DYNLL1: variants seen among roughly 807,000 people sequenced by gnomAD.
The protein encoded by DYNLL1 is dynein light chain LC8-type 1.
In DYNLL1, 3 loss-of-function variants were observed where a neutral mutation model predicts 10.1. That is an observed-to-expected ratio of 0.30 (90% CI 0.14 to 0.77). The LOEUF (loss-of-function observed/expected upper bound fraction) is 0.77, where lower values mean the gene tolerates loss of function less well. Among genes scored for constraint, DYNLL1 ranks in the 30% least tolerant of loss-of-function variants. The pLI is 0.66. For synonymous variants in DYNLL1, 46 were observed against 41.2 expected, an observed-to-expected ratio of 1.12 and a Z score of -0.45; for missense variants, 47 against 111.7, an observed-to-expected ratio of 0.42 and a Z score of 2.61.
At chr12:120,484,475 T>C (rs79639105) in intron 1 of DYNLL1, among the ~76,000 whole-genome samples, 3,239 of 152,220 alleles carry the variant, frequency 0.021, 117 homozygotes, top group African/African-American at 0.073. Flanking sequence ...GCCTGTTATA[T>C]GCCGGGAAAA....
At chr12:120,494,281 AT>A (rs1879211230), upstream of DYNLL1, among the ~76,000 whole-genome samples, 1 of 148,364 alleles carries the variant, frequency 6.7e-6, no homozygotes. Context: ...AATTATTGCC[AT>A]TTTTTTCCTT....
intron 1 of DYNLL1, among the ~76,000 whole-genome samples, chr12:120,481,332 T>A (rs1565921397): frequency 6.6e-6 from 1 of 152,150 alleles, no homozygotes; most frequent in African/African-American, 2.4e-5. Context: ...GCACAGACCC[T>A]GAACAAAAGT....
intron 1 of DYNLL1, among the ~76,000 whole-genome samples, chr12:120,485,097 A>G (rs940352112): frequency 4.6e-5 from 7 of 152,116 alleles, no homozygotes; most frequent in African/African-American, 1.4e-4. Flanking sequence ...CATGCTTGTA[A>G]TCCCAGCACT....
intron 1 of DYNLL1, among the ~76,000 whole-genome samples, chr12:120,481,147 A>T (rs979780429): frequency 6.6e-6 from 1 of 152,182 alleles, no homozygotes; most frequent in Non-Finnish European, 1.5e-5. Flanking sequence ...TGCTAATACC[A>T]GTGACTTCCT....
At chr12:120,496,259 T>G in intron 1 of DYNLL1, 43 bp downstream of exon 1, 1 of 1,105,508 alleles carries the variant, frequency 9.0e-7, no homozygotes, top group East Asian at 2.6e-5. Context: ...GCTGCCTTAT[T>G]TCGCCCCACT....
At chr12:120,496,603 T>TC (rs756383880) in intron 2 of DYNLL1, 50 bp downstream of exon 2, 42 of 1,613,198 alleles carry the variant, frequency 2.6e-5, no homozygotes, top group Non-Finnish European at 3.5e-5. Flanking sequence ...GGGGGTTCCT[T>TC]CCCCCCGATC....
chr12:120,480,815 C>G (rs895776115), intron 1 of DYNLL1, among the ~76,000 whole-genome samples: 1 of 149,490 alleles, frequency 6.7e-6, no homozygotes, highest in African/African-American at 2.5e-5. Flanking sequence ...AGGCTGGAGT[C>G]GTGGCTCCAT....
At chr12:120,470,950 C>T (rs1308443084) in intron 1 of DYNLL1, among the ~76,000 whole-genome samples, 2 of 151,906 alleles carry the variant, frequency 1.3e-5, no homozygotes, top group Non-Finnish European at 2.9e-5. Flanking sequence ...GAGGCTGAGG[C>T]AGGAGAATTG....
chr12:120,481,847 CTTCTTTTTGTTTG>C (rs747191212), intron 1 of DYNLL1, among the ~76,000 whole-genome samples: 2 of 152,108 alleles, frequency 1.3e-5, no homozygotes, highest in Non-Finnish European at 2.9e-5. Context: ...TAAATTTTGT[CTTCTTTTTGTTTG>C]TTTTAGAGAC....
chr12:120,492,822 T>C (rs953643394), upstream of DYNLL1, among the ~76,000 whole-genome samples: 1 of 152,154 alleles, frequency 6.6e-6, no homozygotes, highest in African/African-American at 2.4e-5. This position sits in a 1 kb window ranked among gnomAD's most constrained non-coding sequence, Gnocchi z 4.1. Flanking sequence ...CAGAACCCCA[T>C]ATGGGCCACT....
chr12:120,490,829 G>A (rs1162748624), intron 1 of DYNLL1: 3 of 152,258 alleles, frequency 2.0e-5, no homozygotes, highest in African/African-American at 7.2e-5. Flanking sequence ...AAGGTGAATA[G>A]TGCCAAGGTT....
At chr12:120,488,900 C>T (rs572386674) in intron 1 of DYNLL1, among the ~76,000 whole-genome samples, 4 of 151,910 alleles carry the variant, frequency 2.6e-5, no homozygotes, top group African/African-American at 4.8e-5. Flanking sequence ...GCAACAAGAA[C>T]GAAACTCTGT....
chr12:120,476,178 A>AT (rs1401399007), intron 1 of DYNLL1, among the ~76,000 whole-genome samples: 3 of 152,162 alleles, frequency 2.0e-5, no homozygotes, highest in Non-Finnish European at 4.4e-5. Flanking sequence ...TAGAATCCTA[A>AT]TTTTTTTAGA....
At chr12:120,476,326 T>TA (rs1178399548) in intron 1 of DYNLL1, among the ~76,000 whole-genome samples, 25 of 150,436 alleles carry the variant, frequency 1.7e-4, no homozygotes, top group African/African-American at 4.1e-4. Context: ...TTTTTTAAGT[T>TA]AAAAAAAAAT....
At position 120,498,225 on chromosome 12, in the gene DYNLL1, C is replaced by T. The variant is rs760927146; in HGVS notation, c.*15C>T. On this transcript the variant is annotated 3_prime_UTR_variant, in exon 3 of 3. Transcript: ENST00000242577. Reference sequence around the variant, plus strand: ...AATCTGGTTAAAAGCATGGACTGTGCCACACACCCAGTGATCCATCCAAAA... The same window carrying T: ...AATCTGGTTAAAAGCATGGACTGTGTCACACACCCAGTGATCCATCCAAAA... The T allele has an allele frequency of 3.1e-6, 5 of 1,604,886 alleles. No homozygotes were observed. Among genetic ancestry groups the T allele is most frequent in the South Asian group, 1.1e-5 (1 of 90,052 alleles).
chr12:120,496,309 G>C (rs1453319724), intron 1 of DYNLL1, 93 bp downstream of exon 1: 1 of 1,487,020 alleles, frequency 6.7e-7, no homozygotes, highest in African/African-American at 1.4e-5. Context: ...TTCCTGAGAA[G>C]TGGGGTGGGG....
Position 120,496,550 on chromosome 12 carries a change from G to A in DYNLL1, c.129G>A (p.Lys43=). 1 of 1,614,164 alleles carries A rather than the reference G, an allele frequency of 6.2e-7. No homozygotes were observed. Among genetic ancestry groups the A allele is most frequent in the Non-Finnish European group, 8.5e-7 (1 of 1,180,036 alleles). The change falls in exon 2 of 3, where the codon AAG becomes AAA. Residue 43 remains lysine (K), a synonymous_variant. Transcript: ENST00000242577. ...NIEKDIAAHI[K]KEFDKKYNPT... Reference sequence around the variant, plus strand: ...AGAAGGACATTGCGGCTCATATCAAGAAGGTGAGGATGGGCGCGGGGGCCG... The same window carrying A: ...AGAAGGACATTGCGGCTCATATCAAAAAGGTGAGGATGGGCGCGGGGGCCG...
chr12:120,478,039 A>T (rs906845875), intron 1 of DYNLL1, among the ~76,000 whole-genome samples: 3 of 151,162 alleles, frequency 2.0e-5, no homozygotes, highest in Non-Finnish European at 4.4e-5. Context: ...TGATCCACCC[A>T]TGTCGGCCTC....
chr12:120,474,294 T>C (rs569942665), intron 1 of DYNLL1, among the ~76,000 whole-genome samples: 1 of 152,272 alleles, frequency 6.6e-6, no homozygotes, highest in South Asian at 2.1e-4. Context: ...AGTGAGATCC[T>C]GTTACAGAAA....
Sources: gnomAD v4.1 joint callset for allele counts (sites outside exome capture counted in the v4.1 genomes callset) on GRCh38, gnomAD v4.1.1 for gene constraint, Gnocchi (gnomAD v3.1) non-coding constraint, MANE v1.5 for transcripts, NCBI Gene and HGNC (gene_info 2026-07-23, HGNC 2026-07-21) for gene names.